The following ENTPD6 variants were observed in gnomAD, a reference collection of about 807,000 sequenced individuals.
The protein encoded by ENTPD6 is CD39 antigen-like 2.
Under a neutral mutation model 61.5 loss-of-function variants are expected in ENTPD6, and 46 were observed. That is an observed-to-expected ratio of 0.75 (90% CI 0.59 to 0.96). ENTPD6 has a LOEUF of 0.96. Ranked by LOEUF, ENTPD6 falls within the 40% of genes least tolerant of loss-of-function variation. ENTPD6 has a pLI of 0.00. For missense variants in ENTPD6, 612 were observed against 629.0 expected (o/e 0.97, Z 0.29); for synonymous variants, 252 against 255.5 (o/e 0.99, Z 0.13).
At chr20:25,210,666 G>C (rs1020451180) in intron 4 of ENTPD6, among the ~76,000 whole-genome samples, 36 of 152,296 alleles carry the variant, frequency 2.4e-4, no homozygotes, top group African/African-American at 8.2e-4. Context: ...TACAGGCCAG[G>C]CACAGTGGCT....
At position 25,225,559 on chromosome 20, in the gene ENTPD6, A is replaced by G. The variant is rs1417990765; in HGVS notation, c.1417A>G (p.Ile473Val). The change falls in exon 15 of 15, where the codon ATC becomes GTC. Residue 473 changes from isoleucine to valine, a missense_variant. Coordinates refer to ENST00000376652, the MANE Select transcript of ENTPD6 (RefSeq NM_001247.5). The part of the protein sequence containing the change: ...SWALGAIFHY[I>V]DSLNRQKSPA... ...GGCTCTGGGGGCCATTTTTCATTAC[A>G]TCGACTCCCTGAACAGACAGAAGAG... is the stretch of plus-strand genomic sequence containing the variant. The G allele has an allele frequency of 2.5e-6, 4 of 1,614,046 alleles. No individual in the cohort carries two copies. In the Admixed American group the frequency reaches 5.0e-5, roughly 20 times the overall value.
intron 8 of ENTPD6, 38 bp downstream of exon 8, chr20:25,216,774 C>G (rs745982744): frequency 1.3e-6 from 2 of 1,509,460 alleles, no homozygotes; most frequent in Admixed American, 3.9e-5. Context: ...CTTTCCACCC[C>G]GAGGCCACAC....
intron 10 of ENTPD6, among the ~76,000 whole-genome samples, chr20:25,219,195 A>G (rs1048162915): frequency 1.3e-5 from 2 of 152,304 alleles, no homozygotes; most frequent in Admixed American, 6.5e-5. Flanking sequence ...GTTATTTTTT[A>G]AAAGATGCTG....
chr20:25,207,096 G>A lies in ENTPD6; in HGVS notation c.75G>A (p.Trp25Ter). The A allele has an allele frequency of 6.2e-7, 1 of 1,612,100 alleles. No individual in the cohort carries two copies. The highest frequency in any genetic ancestry group is 8.5e-7 in the Non-Finnish European group (1 of 1,178,540). Residue 25 changes from tryptophan (W) to a stop codon, truncating the protein, a stop_gained, in exon 3 of 15, where the codon TGG becomes TGA. Coordinates refer to ENST00000376652, the MANE Select transcript of ENTPD6 (RefSeq NM_001247.5). LOFTEE classifies it high-confidence loss of function. ...ACCAGCAGCCGCAGCACGGTCCTTGGCAAACAAGGATGAGAAAAATATCCA... is the reference window on the plus strand; with the variant it reads ...ACCAGCAGCCGCAGCACGGTCCTTGACAAACAAGGATGAGAAAAATATCCA... ...YIFQQPQHGP[W>*]QTRMRKISNH... is the part of the protein sequence containing the mutation.
chr20:25,202,475 A>G (rs550673402), intron 1 of ENTPD6, among the ~76,000 whole-genome samples: 1 of 152,090 alleles, frequency 6.6e-6, no homozygotes, highest in East Asian at 1.9e-4. Flanking sequence ...TTACTACCTT[A>G]TTTTGTATTT....
At chr20:25,220,563 C>T (rs1568645786) in intron 10 of ENTPD6, among the ~76,000 whole-genome samples, 1 of 152,164 alleles carries the variant, frequency 6.6e-6, no homozygotes, top group Non-Finnish European at 1.5e-5. Context: ...CTGTCTAGAC[C>T]TGGGCGCTCT....
chr20:25,210,238 T>C (rs1304832815), intron 4 of ENTPD6, among the ~76,000 whole-genome samples: 2 of 152,270 alleles, frequency 1.3e-5, no homozygotes, highest in Non-Finnish European at 2.9e-5. Flanking sequence ...CATTATTTGA[T>C]AGTTTGCTTA....
chr20:25,205,762 G>T (rs891471631), intron 1 of ENTPD6, among the ~76,000 whole-genome samples: 1 of 152,172 alleles, frequency 6.6e-6, no homozygotes, highest in Non-Finnish European at 1.5e-5. Flanking sequence ...CCCTCGGCAC[G>T]GGGCACTGTG....
At chr20:25,225,123 G>T in intron 13 of ENTPD6, 82 bp from the exon 14 acceptor site, 1 of 1,530,442 alleles carries the variant, frequency 6.5e-7, no homozygotes. Context: ...TGCCTGTAGT[G>T]GGTGGAATTG....
At chr20:25,217,366 C>A in intron 8 of ENTPD6, 136 bp from the exon 9 acceptor site, 1 of 778,452 alleles carries the variant, frequency 1.3e-6, no homozygotes, top group Non-Finnish European at 2.2e-6. Flanking sequence ...TCCTGTCTCG[C>A]AGCCAGCGAC....
In ENTPD6 at chr20:25,227,086, G is replaced by A. The variant is rs6050462; in HGVS notation, c.*1489G>A. Reference sequence around the variant, plus strand: ...AGCGTCCCAAAGGTGTCGCATGCCAGGGAAACTGCAGACCAGCCCACATCC... The same window carrying A: ...AGCGTCCCAAAGGTGTCGCATGCCAAGGAAACTGCAGACCAGCCCACATCC... On this transcript the variant is annotated 3_prime_UTR_variant, in exon 15 of 15. Coordinates refer to ENST00000376652, the MANE Select transcript of ENTPD6 (RefSeq NM_001247.5). Among the ~76,000 whole-genome samples the A allele has an allele frequency of 0.072, 11,038 of 152,312 alleles. 1,251 individuals are homozygous for A. Among genetic ancestry groups the A allele is most frequent in the African/African-American group, 0.24 (10,135 of 41,536 alleles).
Position 25,210,652 on chromosome 20 carries a change from G to A in ENTPD6, c.453+727G>A, listed in dbSNP as rs529088827. 4.0e-5 allele frequency among the ~76,000 whole-genome samples: 6 copies of A among 151,400 alleles called. No individual in the cohort carries two copies. In the South Asian group the frequency reaches 6.3e-4, roughly 16 times the overall value. ...ATATTTAAAGAAAAAAGTTAAAAAC[G>A]TATTACAGGCCAGGCACAGTGGCTC... On this transcript the variant is annotated intron_variant, in intron 4 of 14. Coordinates refer to ENST00000376652, the MANE Select transcript of ENTPD6 (RefSeq NM_001247.5).
Position 25,218,618 on chromosome 20 carries a change from A to T in ENTPD6, c.943+4A>T. On this transcript the variant is annotated splice_donor_region_variant and intron_variant, in intron 10 of 14. Transcript: ENST00000376652. Reference sequence around the variant, plus strand: ...GGCGGCGTGGAGGGGCAGCCTGGTGAGTGGACATGTTGCCCCGGGCCCACT... The same window carrying T: ...GGCGGCGTGGAGGGGCAGCCTGGTGTGTGGACATGTTGCCCCGGGCCCACT... The T allele has an allele frequency of 6.2e-7, 1 of 1,600,990 alleles. No individual in the cohort carries two copies. Among genetic ancestry groups the T allele is most frequent in the Non-Finnish European group, 8.5e-7 (1 of 1,176,364 alleles).
chr20:25,218,604 GGGGCAGCCTGGTGAGT>G lies in ENTPD6; in HGVS notation c.936_943+8del, dbSNP rs749141216. 5.6e-6 allele frequency: 9 copies of G among 1,605,424 alleles called. No individual in the cohort carries two copies. Among genetic ancestry groups the G allele is most frequent in the Non-Finnish European group, 7.6e-6 (9 of 1,178,228 alleles). ...GCCTGGCGATCCTGGGCGGCGTGGA[GGGGCAGCCTGGTGAGT>G]GGACATGTTGCCCCGGGCCCACTTT... On this transcript the variant is annotated splice_donor_variant and splice_donor_5th_base_variant and coding_sequence_variant and intron_variant, in exon 10 of 15. Transcript: ENST00000376652. LOFTEE classifies it high-confidence loss of function.
intron 1 of ENTPD6, among the ~76,000 whole-genome samples, chr20:25,197,435 TA>T (rs766471092): frequency 1.3e-5 from 2 of 152,172 alleles, no homozygotes; most frequent in African/African-American, 2.4e-5. Flanking sequence ...CTACCTTCCT[TA>T]CAGCCTCATC....
At chr20:25,195,991 A>T in intron 1 of ENTPD6, 124 bp downstream of exon 1, 2 of 887,410 alleles carry the variant, frequency 2.3e-6, no homozygotes, top group Non-Finnish European at 3.0e-6. Context: ...CCCGGGTCCC[A>T]CCTCCTGCTG....
chr20:25,225,456 C>T, intron 14 of ENTPD6, 43 bp from the exon 15 acceptor site: 1 of 1,597,554 alleles, frequency 6.3e-7, no homozygotes, highest in Middle Eastern at 1.7e-4. Flanking sequence ...ACAAGGCTTT[C>T]CTGTCTGTGT....
At chr20:25,215,618 G>A in intron 6 of ENTPD6, 58 bp from the exon 7 acceptor site, 3 of 1,571,340 alleles carry the variant, frequency 1.9e-6, no homozygotes, top group South Asian at 1.1e-5. Context: ...ACGGTCCTGT[G>A]TGTTATGCTT....
intron 12 of ENTPD6, among the ~76,000 whole-genome samples, chr20:25,223,389 C>A (rs1180321776): frequency 1.3e-5 from 2 of 152,182 alleles, no homozygotes; most frequent in Admixed American, 6.5e-5. Flanking sequence ...CCCTGCACAG[C>A]CCAGGAAGCC....
Sources: gnomAD v4.1 joint callset for allele counts (sites outside exome capture counted in the v4.1 genomes callset) on GRCh38, gnomAD v4.1.1 for gene constraint, MANE v1.5 for transcripts, NCBI Gene and HGNC (gene_info 2026-07-23, HGNC 2026-07-21) for gene names.